The following KIF1A variants were observed in gnomAD, a reference collection of about 807,000 sequenced individuals.
KIF1A encodes the protein kinesin-like protein KIF1A.
Under a neutral mutation model 227.3 loss-of-function variants are expected in KIF1A, and 46 were observed. The ratio of observed to expected loss-of-function variants is 0.20; its 90% confidence interval spans 0.16 to 0.26. The LOEUF (loss-of-function observed/expected upper bound fraction) is 0.26. KIF1A is among the 10% of genes least tolerant of loss of function. KIF1A has a pLI of 1.00. For synonymous variants in KIF1A, 1,022 were observed against 1,012.8 expected, an observed-to-expected ratio of 1.01 and a Z score of -0.17; for missense variants, 1,683 against 2,485.9, an observed-to-expected ratio of 0.68 and a Z score of 6.87.
intron 2 of KIF1A, among the ~76,000 whole-genome samples, chr2:240,796,139 C>A (rs912641054): frequency 6.6e-6 from 1 of 152,188 alleles, no homozygotes; most frequent in South Asian, 2.1e-4. Context: ...CACCAGAGGT[C>A]ACGGTTCCCA....
At chr2:240,738,047 C>T (rs1313164593) in intron 37 of KIF1A, among the ~76,000 whole-genome samples, 1 of 152,250 alleles carries the variant, frequency 6.6e-6, no homozygotes, top group East Asian at 1.9e-4. Flanking sequence ...CTTCCCCACG[C>T]CAGGGCCCTC....
At chr2:240,782,453 C>A in intron 10 of KIF1A, 137 bp downstream of exon 10, 1 of 1,046,020 alleles carries the variant, frequency 9.6e-7, no homozygotes. Flanking sequence ...TTTCTTCCTT[C>A]CCGGGATCCA....
In KIF1A at chr2:240,766,515, T is replaced by A. The variant is rs1271084408; in HGVS notation, c.1684+400A>T. Among the ~76,000 whole-genome samples, 1 of 151,826 alleles carries A rather than the reference T, an allele frequency of 6.6e-6. No individual in the cohort carries two copies. Among genetic ancestry groups the A allele is most frequent in the Non-Finnish European group, 1.5e-5 (1 of 67,906 alleles). On this transcript the variant is annotated intron_variant, in intron 19 of 48. Coordinates refer to ENST00000498729, the MANE Select transcript of KIF1A (RefSeq NM_001244008.2). This position sits in a 1 kb window ranked among gnomAD's most constrained non-coding sequence, Gnocchi z 5.0. The stretch of plus-strand genomic sequence containing the variant: ...GCTCAATCCTCATGGCTCACTGTCC[T>A]CCCGCCATGAACATCCTCCACCCTG...
At chr2:240,720,006 A>G in intron 45 of KIF1A, 80 bp from the exon 46 acceptor site, 1 of 1,450,922 alleles carries the variant, frequency 6.9e-7, no homozygotes, top group East Asian at 2.5e-5. Flanking sequence ...CACCCTCCTC[A>G]GAGCACCTCA....
chr2:240,796,884 G>A (rs1162762178), intron 2 of KIF1A, among the ~76,000 whole-genome samples: 1 of 150,868 alleles, frequency 6.6e-6, no homozygotes, highest in African/African-American at 2.5e-5. Context: ...TGGGACCTGA[G>A]TGCCCTCCCC....
intron 1 of KIF1A, among the ~76,000 whole-genome samples, chr2:240,798,672 G>A (rs185862661): frequency 1.1e-4 from 17 of 152,334 alleles, no homozygotes; most frequent in African/African-American, 3.8e-4. Context: ...AAACAGTGAC[G>A]AAGCAGCCAC....
Position 240,810,399 on chromosome 2 carries a change from T to C in KIF1A, c.-61+9723A>G, listed in dbSNP as rs76629178. Among the ~76,000 whole-genome samples, 1,416 of 152,312 alleles carry C rather than the reference T, an allele frequency of 9.3e-3. 16 individuals are homozygous for C. The highest frequency in any genetic ancestry group is 0.032 in the African/African-American group (1,316 of 41,552). ...ATATTTTCAAACTGTATCCACCAGA[T>C]GGCAACATTTAAAAGTAGGGCACAC... is the stretch of plus-strand genomic sequence containing the variant. On this transcript the variant is annotated intron_variant, in intron 1 of 48. Coordinates refer to ENST00000498729, the MANE Select transcript of KIF1A (RefSeq NM_001244008.2).
At chr2:240,797,480 T>C (rs1575654109) in intron 2 of KIF1A, among the ~76,000 whole-genome samples, 167 bp downstream of exon 2, 1 of 152,314 alleles carries the variant, frequency 6.6e-6, no homozygotes, top group African/African-American at 2.4e-5. Context: ...CCCACCACCG[T>C]TGGTGGCAGT....
At chr2:240,801,914 G>A (rs138884571) in intron 1 of KIF1A, among the ~76,000 whole-genome samples, 1 of 152,256 alleles carries the variant, frequency 6.6e-6, no homozygotes, top group African/African-American at 2.4e-5. Context: ...GACCAAAACA[G>A]GGGAGAAGCA....
Position 240,721,878 on chromosome 2 carries a change from G to T in KIF1A, c.4672C>A (p.Arg1558Ser), listed in dbSNP as rs1416814206. 1.2e-6 allele frequency: 2 copies of T among 1,604,802 alleles called. No individual in the cohort carries two copies. Among genetic ancestry groups the T allele is most frequent in the Admixed American group, 1.7e-5 (1 of 59,658 alleles). Residue 1558 changes from arginine (R) to serine (S), a missense_variant, in exon 44 of 49, where the codon CGC becomes AGC. Arg to Ser is a moderately radical substitution (Grantham distance 110). Coordinates refer to ENST00000498729, the MANE Select transcript of KIF1A (RefSeq NM_001244008.2). ...RQRELAVKCL[R>S]LLTHTFNREY... ...CTGTTGAATGTGTGCGTGAGCAGGC[G>T]CAAGCACTGTGGACAGAGCACACGC...
intron 10 of KIF1A, among the ~76,000 whole-genome samples, chr2:240,777,801 C>T (rs1184289467): frequency 6.6e-6 from 1 of 152,250 alleles, no homozygotes. Context: ...CCTCGCCTCC[C>T]TGCTCTGGGC....
chr2:240,763,483 C>T, intron 20 of KIF1A, 137 bp from the exon 21 acceptor site: 2 of 803,194 alleles, frequency 2.5e-6, no homozygotes, highest in Non-Finnish European at 3.8e-6. Flanking sequence ...ACTCCTTCTT[C>T]AGCCCTCGCT....
At chr2:240,737,016 G>T in intron 38 of KIF1A, 47 bp downstream of exon 38, 2 of 1,485,828 alleles carry the variant, frequency 1.3e-6, no homozygotes, top group Non-Finnish European at 1.9e-6. Context: ...GGCCTGGCAG[G>T]CTGGGAACAT....
chr2:240,787,145 G>A (rs1005961158), intron 5 of KIF1A, 106 bp downstream of exon 5: 5 of 900,082 alleles, frequency 5.6e-6, no homozygotes, highest in Non-Finnish European at 7.2e-6. Flanking sequence ...GACAAGCTGG[G>A]CGTGCAGACC....
At chr2:240,808,700 C>A (rs2057629402) in intron 1 of KIF1A, among the ~76,000 whole-genome samples, 1 of 151,764 alleles carries the variant, frequency 6.6e-6, no homozygotes. Context: ...AAATAATAAC[C>A]CAAACTATAG....
chr2:240,791,296 C>G (rs2055642629), intron 2 of KIF1A, among the ~76,000 whole-genome samples: 1 of 152,166 alleles, frequency 6.6e-6, no homozygotes, highest in African/African-American at 2.4e-5. Context: ...GCAGCGCCTT[C>G]CCTAGCACAG....
At chr2:240,764,047 G>A (rs2050848109) in intron 20 of KIF1A, among the ~76,000 whole-genome samples, 1 of 152,166 alleles carries the variant, frequency 6.6e-6, no homozygotes, top group Admixed American at 6.5e-5. Context: ...GGACAGTCCT[G>A]CCTGCAGGGG....
At chr2:240,805,859 T>C (rs1448097944) in intron 1 of KIF1A, among the ~76,000 whole-genome samples, 1 of 152,014 alleles carries the variant, frequency 6.6e-6, no homozygotes, top group Non-Finnish European at 1.5e-5. Flanking sequence ...AAAAATAAAC[T>C]TCTAAATAAC....
At chr2:240,770,278 C>A (rs543856639) in intron 15 of KIF1A, among the ~76,000 whole-genome samples, 1 of 152,226 alleles carries the variant, frequency 6.6e-6, no homozygotes, top group East Asian at 1.9e-4. Flanking sequence ...GTCTAGAAAC[C>A]TAAAATGATC....
Sources: allele counts gnomAD v4.1 joint callset (sites outside exome capture counted in the v4.1 genomes callset), GRCh38; gene constraint gnomAD v4.1.1; non-coding constraint Gnocchi (gnomAD v3.1); transcripts MANE v1.5; gene names NCBI Gene and HGNC (gene_info 2026-07-23, HGNC 2026-07-21).